Variants in CNIH3 observed in about 807,000 individuals in gnomAD.
CNIH3 encodes protein cornichon homolog 3.
In CNIH3, 14 loss-of-function variants were observed where a neutral mutation model predicts 24.1. That is an observed-to-expected ratio of 0.58 (90% CI 0.38 to 0.91). CNIH3 has a LOEUF of 0.91. CNIH3 is among the 40% of genes least tolerant of loss of function. CNIH3 has a pLI of 0.00. For missense variants in CNIH3, 178 were observed against 196.8 expected (o/e 0.90, Z 0.57); for synonymous variants, 68 against 73.8 (o/e 0.92, Z 0.40).
At chr1:224,706,261 G>A (rs111988792) in intron 3 of CNIH3, among the ~76,000 whole-genome samples, 129 of 152,206 alleles carry the variant, frequency 8.5e-4, no homozygotes, top group African/African-American at 2.9e-3. Context: ...CTGATCTGCC[G>A]TGTTCACTTC....
At chr1:224,632,592 G>C (rs376957144) in intron 1 of CNIH3, among the ~76,000 whole-genome samples, 26 of 152,092 alleles carry the variant, frequency 1.7e-4, no homozygotes, top group African/African-American at 6.3e-4. Context: ...GAGCCACTGG[G>C]ACGCAATATG....
At position 224,543,781 on chromosome 1, in the gene CNIH3, G is replaced by A. The variant is rs560269307; in HGVS notation, n.340-3048G>A. Among the ~76,000 whole-genome samples the A allele has an allele frequency of 2.4e-4, 36 of 152,066 alleles. 1 individual carries two copies. The highest frequency in any genetic ancestry group is 1.2e-3 in the South Asian group (6 of 4,810). On this transcript the variant is annotated intron_variant and non_coding_transcript_variant, in intron 2 of 5. Coordinates refer to the CNIH3 transcript ENST00000471578. ...CAGGATGACATTTCTTCTGTCCCTC[G>A]CACACACCAAGCTGACTCCATTTCA...
At chr1:224,457,117 C>G (rs556118430) in intron 1 of CNIH3, among the ~76,000 whole-genome samples, 1 of 152,184 alleles carries the variant, frequency 6.6e-6, no homozygotes, top group Non-Finnish European at 1.5e-5. Context: ...CAGCTCAGGA[C>G]AGCAGGCAGG....
chr1:224,570,811 G>A (rs1286547271), intron 4 of CNIH3, among the ~76,000 whole-genome samples: 1 of 151,830 alleles, frequency 6.6e-6, no homozygotes, highest in Non-Finnish European at 1.5e-5. Context: ...TCTTCTAAAA[G>A]TTTTATAGTT....
At chr1:224,532,438 C>G (rs958047553) in intron 2 of CNIH3, among the ~76,000 whole-genome samples, 1 of 152,164 alleles carries the variant, frequency 6.6e-6, no homozygotes, top group Admixed American at 6.5e-5. Context: ...GCGTTAGGAA[C>G]AGACCTTGTC....
At chr1:224,462,324 C>G (rs998302845) in intron 1 of CNIH3, among the ~76,000 whole-genome samples, 1 of 152,068 alleles carries the variant, frequency 6.6e-6, no homozygotes, top group African/African-American at 2.4e-5. Flanking sequence ...CCCTAAAAAT[C>G]CTGTTATGTT....
chr1:224,508,519 C>T lies in CNIH3; in HGVS notation n.204-7222C>T, dbSNP rs78012495. On this transcript the variant is annotated intron_variant and non_coding_transcript_variant, in intron 1 of 5. Transcript: ENST00000471578. ...CCATTAGTTATACCCTGTGCAGGAA[C>T]TCTTTATGATAAAATATTGCTGTAA... 2.8e-4 allele frequency among the ~76,000 whole-genome samples: 42 copies of T among 152,350 alleles called. No homozygotes were observed. In the East Asian group the frequency reaches 6.2e-3, roughly 22 times the overall value.
chr1:224,729,602 G>A (rs1689215018), intron 3 of CNIH3, among the ~76,000 whole-genome samples: 2 of 151,712 alleles, frequency 1.3e-5, no homozygotes, highest in Non-Finnish European at 2.9e-5. Flanking sequence ...GGGTAAAATG[G>A]TGCATTTATA....
rs568319484 is a variant in CNIH3 at position 224,580,717 on chromosome 1, C to T, written n.517-2447C>T. Among the ~76,000 whole-genome samples, 3 of 151,538 alleles carry T rather than the reference C, an allele frequency of 2.0e-5. No individual in the cohort carries two copies. In the South Asian group the frequency reaches 6.3e-4, roughly 32 times the overall value. ...TGGTGCATGCCTATAATCCCAGCTACTTGGGAGACTGAGGCAGGAGAATCG... is the reference window on the plus strand; with the variant it reads ...TGGTGCATGCCTATAATCCCAGCTATTTGGGAGACTGAGGCAGGAGAATCG... On this transcript the variant is annotated intron_variant and non_coding_transcript_variant, in intron 4 of 5. Transcript: ENST00000471578.
chr1:224,661,552 G>A (rs1027934419), intron 1 of CNIH3: 1 of 364,254 alleles, frequency 2.7e-6, no homozygotes, highest in South Asian at 2.7e-5. Flanking sequence ...TTCAAAGTAG[G>A]TAAATGGAAA....
chr1:224,729,239 C>T (rs892762640), intron 3 of CNIH3, among the ~76,000 whole-genome samples: 4 of 151,776 alleles, frequency 2.6e-5, no homozygotes, highest in African/African-American at 4.8e-5. Flanking sequence ...GGTGAAACCC[C>T]CTTTCTACTG....
At chr1:224,503,494 C>T (rs900207677) in intron 1 of CNIH3, among the ~76,000 whole-genome samples, 1 of 152,200 alleles carries the variant, frequency 6.6e-6, no homozygotes, top group Non-Finnish European at 1.5e-5. Flanking sequence ...GGAGGGCTGT[C>T]GCTGCTGTCT....
upstream of CNIH3, among the ~76,000 whole-genome samples, chr1:224,613,409 C>G (rs1175259544): frequency 1.3e-5 from 2 of 152,214 alleles, no homozygotes; most frequent in African/African-American, 2.4e-5. Flanking sequence ...CATTCAACTT[C>G]TACAGCTGTC....
intron 3 of CNIH3, among the ~76,000 whole-genome samples, chr1:224,606,648 G>A (rs1160803409): frequency 6.6e-6 from 1 of 152,176 alleles, no homozygotes; most frequent in Non-Finnish European, 1.5e-5. Context: ...TCTCACTTTG[G>A]GCTACAGGTC....
At chr1:224,600,988 C>T (rs1047903170) in intron 3 of CNIH3, among the ~76,000 whole-genome samples, 1 of 152,178 alleles carries the variant, frequency 6.6e-6, no homozygotes, top group African/African-American at 2.4e-5. Context: ...TCAATTCTTG[C>T]CTCCTCAGAA....
At chr1:224,545,387 G>A (rs1286592704) in intron 2 of CNIH3, among the ~76,000 whole-genome samples, 1 of 152,164 alleles carries the variant, frequency 6.6e-6, no homozygotes, top group East Asian at 1.9e-4. Flanking sequence ...TGTGAGACTT[G>A]GAGTGAGAAA....
chr1:224,615,129 G>A (rs182258198), upstream of CNIH3: 56 of 152,126 alleles, frequency 3.7e-4, no homozygotes, highest in African/African-American at 1.3e-3. Flanking sequence ...TCAAGGCATT[G>A]GAATCACATC....
chr1:224,560,157 A>T (rs1680304918), intron 3 of CNIH3, among the ~76,000 whole-genome samples: 1 of 152,184 alleles, frequency 6.6e-6, no homozygotes, highest in Admixed American at 6.5e-5. Context: ...AATAATAGTG[A>T]GTAATGCTGC....
In CNIH3 at chr1:224,529,921, G is replaced by T. The variant is rs188060515; in HGVS notation, n.344-7015G>T. The stretch of plus-strand genomic sequence containing the variant: ...TTTTTAAATGCTGATGTAGGCATGG[G>T]AACCAAGACTTTTTGGCCAACATGG... On this transcript the variant is annotated intron_variant and non_coding_transcript_variant, in intron 2 of 2. Transcript: ENST00000470602. 4.6e-5 allele frequency among the ~76,000 whole-genome samples: 7 copies of T among 152,340 alleles called. No individual in the cohort carries two copies. The South Asian group carries it at 1.0e-3, about 23-fold the overall frequency.
Sources: gnomAD v4.1 joint callset for allele counts (sites outside exome capture counted in the v4.1 genomes callset) on GRCh38, gnomAD v4.1.1 for gene constraint, MANE v1.5 for transcripts, NCBI Gene and HGNC (gene_info 2026-07-23, HGNC 2026-07-21) for gene names.